Variants in LEMD3 observed in about 807,000 individuals in gnomAD.
The protein encoded by LEMD3 is LEM domain containing 3.
In LEMD3, 33 loss-of-function variants were observed where a neutral mutation model predicts 95.2. The ratio of observed to expected loss-of-function variants is 0.35; its 90% confidence interval spans 0.26 to 0.46. The LOEUF is 0.46. Ranked by LOEUF, LEMD3 falls within the 20% of genes least tolerant of loss-of-function variation. LEMD3 has a pLI of 1.00. For synonymous variants in LEMD3, 525 were observed against 474.6 expected (o/e 1.11, Z -1.38); for missense variants, 1,210 against 1,192.8 (o/e 1.01, Z -0.21).
At chr12:65,204,174 A>ATT (rs879289495) in intron 1 of LEMD3, among the ~76,000 whole-genome samples, 1 of 134,996 alleles carries the variant, frequency 7.4e-6, no homozygotes, top group South Asian at 2.3e-4. Context: ...TTTTTTTTTC[A>ATT]TTTTTTTTTT....
intron 1 of LEMD3, among the ~76,000 whole-genome samples, chr12:65,173,858 C>T (rs1418692830): frequency 6.6e-6 from 1 of 152,122 alleles, no homozygotes; most frequent in Non-Finnish European, 1.5e-5. Context: ...TATGTCTACC[C>T]TGTGGAAAGA....
intron 1 of LEMD3, among the ~76,000 whole-genome samples, chr12:65,196,972 G>C (rs1448288349): frequency 6.6e-6 from 1 of 152,168 alleles, no homozygotes; most frequent in African/African-American, 2.4e-5. Context: ...AACCAGAAGA[G>C]GTTGAGAGAG....
intron 1 of LEMD3, among the ~76,000 whole-genome samples, chr12:65,206,057 T>C (rs1869754303): frequency 1.3e-5 from 2 of 152,180 alleles, no homozygotes; most frequent in Non-Finnish European, 2.9e-5. Context: ...ATTTTTAGAT[T>C]GGTCTGGATG....
At chr12:65,246,014 T>C in intron 12 of LEMD3, 75 bp downstream of exon 12, 1 of 1,341,734 alleles carries the variant, frequency 7.5e-7, no homozygotes, top group Non-Finnish European at 1.1e-6. Flanking sequence ...AGATTTCAAA[T>C]AAAAGAATTT....
chr12:65,221,527 C>CA (rs1870288019), intron 4 of LEMD3, among the ~76,000 whole-genome samples: 1 of 151,808 alleles, frequency 6.6e-6, no homozygotes, highest in Non-Finnish European at 1.5e-5. Context: ...AGCCAAATAA[C>CA]AAGATTTTTT....
intron 1 of LEMD3, among the ~76,000 whole-genome samples, chr12:65,197,635 T>C (rs1296245576): frequency 2.6e-5 from 4 of 152,150 alleles, no homozygotes; most frequent in African/African-American, 7.2e-5. Context: ...GTGTCTGTTT[T>C]CTTCCAGAGG....
At chr12:65,232,406 T>G (rs1870656682) in intron 4 of LEMD3, among the ~76,000 whole-genome samples, 2 of 151,952 alleles carry the variant, frequency 1.3e-5, no homozygotes, top group African/African-American at 2.4e-5. Flanking sequence ...AGCTAATTTT[T>G]TCACAACTTC....
chr12:65,236,621 C>T (rs994599631), intron 4 of LEMD3, among the ~76,000 whole-genome samples: 1 of 151,956 alleles, frequency 6.6e-6, no homozygotes, highest in Non-Finnish European at 1.5e-5. Flanking sequence ...GCTCCATGAA[C>T]ACAGGGAATT....
intron 9 of LEMD3, among the ~76,000 whole-genome samples, chr12:65,242,719 A>G (rs1300265027): frequency 2.6e-5 from 4 of 152,150 alleles, no homozygotes; most frequent in African/African-American, 9.7e-5. Flanking sequence ...GACAACTATA[A>G]TATAATAATA....
intron 1 of LEMD3, among the ~76,000 whole-genome samples, chr12:65,199,541 C>G (rs1274161023): frequency 6.6e-6 from 1 of 151,906 alleles, no homozygotes; most frequent in Non-Finnish European, 1.5e-5. Context: ...AAAATAAAAT[C>G]TTATTTCTAA....
intron 4 of LEMD3, among the ~76,000 whole-genome samples, chr12:65,228,325 T>C (rs1870516020): frequency 6.6e-6 from 1 of 152,150 alleles, no homozygotes; most frequent in South Asian, 2.1e-4. Context: ...TGCTTATATC[T>C]ACTTAAAAAA....
At chr12:65,180,238 G>T (rs1444410964) in intron 1 of LEMD3, among the ~76,000 whole-genome samples, 4 of 151,966 alleles carry the variant, frequency 2.6e-5, no homozygotes, top group Non-Finnish European at 5.9e-5. Context: ...GCGCCACCGT[G>T]CCCTGCCCTA....
intron 4 of LEMD3, among the ~76,000 whole-genome samples, chr12:65,220,865 A>G (rs969853778): frequency 6.6e-6 from 1 of 152,100 alleles, no homozygotes; most frequent in African/African-American, 2.4e-5. Flanking sequence ...CTTGTAGAAG[A>G]TTGTTGGATC....
intron 1 of LEMD3, among the ~76,000 whole-genome samples, chr12:65,210,300 A>G (rs550679623): frequency 1.3e-5 from 2 of 152,048 alleles, no homozygotes; most frequent in Non-Finnish European, 2.9e-5. Context: ...AGGAAGGTGG[A>G]TTTTTAAAAA....
rs1187505530 is a variant in LEMD3, at chr12:65,170,519, C to G, written c.923C>G (p.Thr308Ser). Reference sequence around the variant, plus strand: ...AAATCGGCCGGCGGCAGGCTGGAGACTTCAGTTCAGGGAGGGGGAGGACTC... The same window carrying G: ...AAATCGGCCGGCGGCAGGCTGGAGAGTTCAGTTCAGGGAGGGGGAGGACTC... ...TAKSAGGRLE[T>S]SVQGGGGLAM... Residue 308 changes from threonine (T) to serine (S), a missense_variant, in exon 1 of 13, where the codon ACT (threonine) becomes AGT (serine). Thr to Ser is a moderately conservative substitution (Grantham distance 58, BLOSUM62 1). Coordinates refer to ENST00000308330, the MANE Select transcript of LEMD3 (RefSeq NM_014319.5). 1 of 1,614,102 alleles carries G rather than the reference C, an allele frequency of 6.2e-7. No individual in the cohort carries two copies. The highest frequency in any genetic ancestry group is 1.3e-5 in the African/African-American group (1 of 75,022).
chr12:65,239,951 T>TC lies in LEMD3; in HGVS notation c.1945dup (p.Leu649ProfsTer20). 1 of 1,611,370 alleles carries TC rather than the reference T, an allele frequency of 6.2e-7. No individual in the cohort carries two copies. Among genetic ancestry groups the TC allele is most frequent in the Non-Finnish European group, 8.5e-7 (1 of 1,177,646 alleles). On this transcript the variant is annotated frameshift_variant, in exon 7 of 13. Transcript: ENST00000308330. LOFTEE classifies it high-confidence loss of function. ...CAGGTGTAGTGATGGTTTGTGTCGT[T>TC]CTGCGTTACATGAAATATCGATGGA...
At chr12:65,204,961 C>T (rs1869718804) in intron 1 of LEMD3, among the ~76,000 whole-genome samples, 1 of 151,926 alleles carries the variant, frequency 6.6e-6, no homozygotes, top group Non-Finnish European at 1.5e-5. Context: ...AAAGAAATAC[C>T]CAAGACTGGG....
chr12:65,203,934 A>T (rs1280256421), intron 1 of LEMD3, among the ~76,000 whole-genome samples: 2 of 152,176 alleles, frequency 1.3e-5, no homozygotes, highest in Non-Finnish European at 2.9e-5. Context: ...GCAGTATCTG[A>T]AATTAATACA....
At chr12:65,215,226 A>G (rs1012390409) in intron 2 of LEMD3, among the ~76,000 whole-genome samples, 4 of 152,176 alleles carry the variant, frequency 2.6e-5, no homozygotes, top group African/African-American at 9.6e-5. Flanking sequence ...CCCATTGCCT[A>G]GGATGCTGAT....
Sources: gnomAD v4.1 joint callset for allele counts (sites outside exome capture counted in the v4.1 genomes callset) on GRCh38, gnomAD v4.1.1 for gene constraint, MANE v1.5 for transcripts, NCBI Gene and HGNC (gene_info 2026-07-23, HGNC 2026-07-21) for gene names.